The following SLAIN1 variants were observed in gnomAD, a reference collection of about 807,000 sequenced individuals.
The protein encoded by SLAIN1 is SLAIN family member 1.
SLAIN1 carries 17 observed loss-of-function variants against 55.4 expected under a neutral mutation model. The observed-to-expected ratio is 0.31, with a 90% CI of 0.21 to 0.46. The LOEUF is 0.46. SLAIN1 is among the 20% of genes least tolerant of loss of function. The probability of loss-of-function intolerance (pLI) is 1.00; values close to 1 mark genes in which losing one functional copy is unlikely to be tolerated. For synonymous variants in SLAIN1, 348 were observed against 337.4 expected (o/e 1.03, Z -0.35); for missense variants, 682 against 785.1 (o/e 0.87, Z 1.57).
At chr13:77,757,960 TG>T (rs1295069794) in intron 5 of SLAIN1, among the ~76,000 whole-genome samples, 1 of 152,156 alleles carries the variant, frequency 6.6e-6, no homozygotes, top group Non-Finnish European at 1.5e-5. Flanking sequence ...GTAGTGGGAT[TG>T]CTGGATCAAA....
At chr13:77,701,682 G>C (rs932056837) in intron 1 of SLAIN1, among the ~76,000 whole-genome samples, 4 of 152,080 alleles carry the variant, frequency 2.6e-5, no homozygotes, top group Non-Finnish European at 5.9e-5. Flanking sequence ...AGTATTGCTG[G>C]AATTAAGTGT....
intron 2 of SLAIN1, among the ~76,000 whole-genome samples, chr13:77,721,585 T>C (rs2091262707): frequency 6.6e-6 from 1 of 152,000 alleles, no homozygotes; most frequent in Admixed American, 6.6e-5. Context: ...ATCTCAGGGG[T>C]CAACAAACTT....
At chr13:77,719,236 G>A (rs1051375783) in intron 1 of SLAIN1, among the ~76,000 whole-genome samples, 1 of 147,592 alleles carries the variant, frequency 6.8e-6, no homozygotes, top group Non-Finnish European at 1.5e-5. Context: ...TCATGATAGT[G>A]CCTTTTTAGG....
At chr13:77,706,695 G>A (rs988710026) in intron 1 of SLAIN1, among the ~76,000 whole-genome samples, 1 of 152,010 alleles carries the variant, frequency 6.6e-6, no homozygotes. Context: ...CTTAGGTGGG[G>A]CACAGCCTTC....
chr13:77,719,006 T>C (rs1464947032), intron 1 of SLAIN1, among the ~76,000 whole-genome samples: 2 of 152,156 alleles, frequency 1.3e-5, no homozygotes, highest in African/African-American at 4.8e-5. Context: ...AAGGTTAGTA[T>C]AGATTTGAGA....
At chr13:77,733,114 T>A (rs1221326393) in intron 2 of SLAIN1, among the ~76,000 whole-genome samples, 1 of 152,182 alleles carries the variant, frequency 6.6e-6, no homozygotes, top group Non-Finnish European at 1.5e-5. Flanking sequence ...TATAAAACTC[T>A]GATTTCCGTG....
chr13:77,721,708 A>G (rs1027366331), intron 2 of SLAIN1, among the ~76,000 whole-genome samples: 36 of 151,966 alleles, frequency 2.4e-4, no homozygotes, highest in Admixed American at 2.3e-3. Context: ...GCAGAAATTA[A>G]TGAATGAGGA....
chr13:77,758,018 C>T (rs1347786805), intron 5 of SLAIN1, among the ~76,000 whole-genome samples: 1 of 152,054 alleles, frequency 6.6e-6, no homozygotes, highest in Non-Finnish European at 1.5e-5. Context: ...TACTGTTTTC[C>T]ATAGTGGGTC....
intron 2 of SLAIN1, among the ~76,000 whole-genome samples, chr13:77,734,543 C>T (rs1277334258): frequency 6.6e-6 from 1 of 152,116 alleles, no homozygotes; most frequent in Non-Finnish European, 1.5e-5. Context: ...AGTTTTGCTT[C>T]TGAGTTGGTA....
chr13:77,724,677 G>T (rs2091291676), intron 2 of SLAIN1, among the ~76,000 whole-genome samples: 1 of 152,094 alleles, frequency 6.6e-6, no homozygotes, highest in Admixed American at 6.6e-5. Flanking sequence ...ATAACATAAA[G>T]ATTTAATTGG....
At chr13:77,739,277 T>C (rs1489678305) in intron 2 of SLAIN1, among the ~76,000 whole-genome samples, 1 of 152,008 alleles carries the variant, frequency 6.6e-6, no homozygotes, top group Non-Finnish European at 1.5e-5. Context: ...GTTTAAAAAA[T>C]TGGGCAAAGT....
In SLAIN1 at chr13:77,763,356, A is replaced by G. The variant is rs139553177; in HGVS notation, c.*136A>G. ...AATATATTTACTGCATTGTTTCTCA[A>G]TGGACCAGTCACCAGAGACTAATTA... On this transcript the variant is annotated 3_prime_UTR_variant, in exon 7 of 7. Coordinates refer to ENST00000418532, the MANE Select transcript of SLAIN1 (RefSeq NM_001242868.2). 1.6e-3 allele frequency: 1,066 copies of G among 659,472 alleles called. 18 individuals carry two copies. The Admixed American group carries it at 0.024, about 15-fold the overall frequency. The allele number at this position is 659,472 out of a possible 1,614,324, so 40.9% of individuals were successfully genotyped here.
At chr13:77,711,782 T>A (rs984294900) in intron 1 of SLAIN1, among the ~76,000 whole-genome samples, 1 of 151,988 alleles carries the variant, frequency 6.6e-6, no homozygotes, top group African/African-American at 2.4e-5. Context: ...AAAAAGAAAA[T>A]TTCAGCCCAA....
At position 77,698,355 on chromosome 13, in the gene SLAIN1, G is replaced by C; in HGVS notation, c.442G>C (p.Val148Leu). ...GGCGCAGCCACCCGAGGCGCCCTTCGTCTACTTCAAGCCGGCAGCAGGCTT... is the reference window on the plus strand; with the variant it reads ...GGCGCAGCCACCCGAGGCGCCCTTCCTCTACTTCAAGCCGGCAGCAGGCTT... ...SLAQPPEAPF[V>L]YFKPAAGFFG... Residue 148 changes from valine to leucine, a missense_variant, in exon 1 of 7, where the codon GTC (valine) becomes CTC (leucine). Coordinates refer to ENST00000418532, the MANE Select transcript of SLAIN1 (RefSeq NM_001242868.2). The surrounding 1 kb of genome is among the most constrained non-coding windows in gnomAD (Gnocchi z 4.1). 1 of 1,444,614 alleles carries C rather than the reference G, an allele frequency of 6.9e-7. No homozygotes were observed. The highest frequency in any genetic ancestry group is 9.1e-7 in the Non-Finnish European group (1 of 1,100,376). 89.5% of individuals were successfully genotyped at this position (1,444,614 alleles called of 1,614,324 possible).
intron 3 of SLAIN1, 158 bp downstream of exon 3, chr13:77,744,590 A>G: frequency 9.1e-7 from 1 of 1,101,268 alleles, no homozygotes. Context: ...TATGCTTCTC[A>G]CACTATCATG....
At chr13:77,718,693 G>A (rs1167577241) in intron 1 of SLAIN1, among the ~76,000 whole-genome samples, 1 of 152,094 alleles carries the variant, frequency 6.6e-6, no homozygotes, top group Non-Finnish European at 1.5e-5. Flanking sequence ...TAGTAGTAAG[G>A]TGTCACGTAT....
intron 2 of SLAIN1, among the ~76,000 whole-genome samples, chr13:77,731,217 A>G (rs1306154792): frequency 2.0e-5 from 3 of 152,210 alleles, no homozygotes; most frequent in Admixed American, 2.0e-4. Context: ...TTCCAGAATT[A>G]AAGATAAACT....
intron 5 of SLAIN1, among the ~76,000 whole-genome samples, chr13:77,757,956 G>T (rs1233665440): frequency 6.6e-6 from 1 of 151,920 alleles, no homozygotes. Flanking sequence ...CCCAGTAGTG[G>T]GATTGCTGGA....
intron 5 of SLAIN1, among the ~76,000 whole-genome samples, chr13:77,755,345 A>G (rs1164542897): frequency 6.6e-6 from 1 of 152,034 alleles, no homozygotes; most frequent in Non-Finnish European, 1.5e-5. Flanking sequence ...AAAAAAATCA[A>G]TAGTGTAAGT....
Sources: gnomAD v4.1 joint callset for allele counts (sites outside exome capture counted in the v4.1 genomes callset) on GRCh38, gnomAD v4.1.1 for gene constraint, Gnocchi (gnomAD v3.1) non-coding constraint, MANE v1.5 for transcripts, NCBI Gene and HGNC (gene_info 2026-07-23, HGNC 2026-07-21) for gene names.